Variants in HTR3D observed in about 807,000 individuals in gnomAD.
The protein encoded by HTR3D is 5-hydroxytryptamine (serotonin) receptor 3 family member D.
HTR3D carries 47 observed loss-of-function variants against 45.8 expected under a neutral mutation model. The ratio of observed to expected loss-of-function variants is 1.03; its 90% confidence interval spans 0.81 to 1.31. The LOEUF (loss-of-function observed/expected upper bound fraction) is 1.31, where lower values mean the gene tolerates loss of function less well. HTR3D is among the 50% of genes most tolerant of loss of function. The pLI is 0.00. For missense variants in HTR3D, 448 were observed against 506.9 expected (o/e 0.88, Z 1.12); for synonymous variants, 203 against 199.8 (o/e 1.02, Z -0.13).
chr3:184,034,539 C>T (rs547418189), intron 1 of HTR3D, among the ~76,000 whole-genome samples: 4 of 151,432 alleles, frequency 2.6e-5, no homozygotes, highest in African/African-American at 7.3e-5. Context: ...TTTAACGCCA[C>T]GGAACTGTAC....
rs6443930 is a variant in HTR3D at position 184,036,506 on chromosome 3, G to C, written c.329G>C (p.Gly110Ala). 0.45 allele frequency: 731,074 copies of C among 1,613,688 alleles called. 169,278 individuals are homozygous for C. Among genetic ancestry groups the C allele is most frequent in the African/African-American group, 0.67 (50,309 of 74,992 alleles). Residue 110 changes from glycine to alanine, a missense_variant, in exon 4 of 8, where the codon GGT (glycine) becomes GCT (alanine). Coordinates refer to ENST00000428798, the MANE Select transcript of HTR3D (RefSeq NM_001145143.1). The stretch of plus-strand genomic sequence containing the variant: ...TCTATTTCCCCTTCCATGGACAGAG[G>C]TGAACGCTCTCCTTCAGCCCTTTCA... The part of the protein sequence containing the change: ...TPSISPSMDR[G>A]ERSPSALSPT...
In HTR3D at chr3:184,038,851, A is replaced by G. The variant is rs1465087875; in HGVS notation, c.1091A>G (p.Gln364Arg). The change falls in exon 8 of 8, where the codon CAG (glutamine) becomes CGG (arginine). Residue 364 changes from glutamine (Q) to arginine (R), a missense_variant. Gln to Arg is a conservative substitution (Grantham distance 43). Coordinates refer to ENST00000428798, the MANE Select transcript of HTR3D (RefSeq NM_001145143.1). This position sits in a 1 kb window ranked among gnomAD's most constrained non-coding sequence, Gnocchi z 4.5. ...WTRAQREHEA[Q>R]KQHSVELWVQ... ...AGGGCCCAGCGGGAACACGAGGCCC[A>G]GAAGCAGCACTCGGTGGAGCTGTGG... 6.2e-7 allele frequency: 1 copy of G among 1,614,194 alleles called. No individual in the cohort carries two copies. Among genetic ancestry groups the G allele is most frequent in the East Asian group, 2.2e-5 (1 of 44,868 alleles).
chr3:184,037,696 G>T (rs1346108356), intron 5 of HTR3D, among the ~76,000 whole-genome samples: 1 of 152,148 alleles, frequency 6.6e-6, no homozygotes, highest in East Asian at 1.9e-4. Context: ...AAAGCAATTA[G>T]AAATGAAAAG....
chr3:184,038,405 G>A lies in HTR3D; in HGVS notation c.770-4G>A, dbSNP rs756448396. 6.2e-7 allele frequency: 1 copy of A among 1,614,182 alleles called. No homozygotes were observed. The highest frequency in any genetic ancestry group is 1.3e-5 in the African/African-American group (1 of 75,050). ...GGCCCTCATGCAGACCCCCTTGCCT[G>A]CAGGTGTCTACTTCGCCCTGTGCCT... On this transcript the variant is annotated splice_region_variant and splice_polypyrimidine_tract_variant and intron_variant, in intron 6 of 7. Coordinates refer to ENST00000428798, the MANE Select transcript of HTR3D (RefSeq NM_001145143.1). The surrounding 1 kb of genome is among the most constrained non-coding windows in gnomAD (Gnocchi z 4.5).
chr3:184,031,587 G>A, upstream of HTR3D: 1 of 606,284 alleles, frequency 1.6e-6, no homozygotes, highest in Non-Finnish European at 3.0e-6. Flanking sequence ...TTATTCCTCT[G>A]TGACATTCTT....
chr3:184,034,947 G>A (rs1004930916), intron 1 of HTR3D: 2 of 962,904 alleles, frequency 2.1e-6, no homozygotes, highest in Non-Finnish European at 2.9e-6. Context: ...GGTAAAATCT[G>A]TTCTTTTTGG....
In HTR3D at chr3:184,038,247, C is replaced by T. The variant is rs375382788; in HGVS notation, c.743C>T (p.Pro248Leu). The T allele has an allele frequency of 6.2e-7, 1 of 1,614,078 alleles. No individual in the cohort carries two copies. Among genetic ancestry groups the T allele is most frequent in the African/African-American group, 1.3e-5 (1 of 74,934 alleles). The change falls in exon 6 of 8, where the codon CCT becomes CTT. Residue 248 changes from proline (P) to leucine (L), a missense_variant. Coordinates refer to ENST00000428798, the MANE Select transcript of HTR3D (RefSeq NM_001145143.1). The surrounding 1 kb of genome is among the most constrained non-coding windows in gnomAD (Gnocchi z 4.5). ...STSSHASLVR[P>L]HPSRDQKRGV... Reference sequence around the variant, plus strand: ...TCATCACATGCTTCACTAGTACGTCCTCATCCATCAAGAGACCAAAAGCGA... The same window carrying T: ...TCATCACATGCTTCACTAGTACGTCTTCATCCATCAAGAGACCAAAAGCGA...
rs758348535 is a variant in HTR3D, at chr3:184,038,876, G to C, written c.1116G>C (p.Trp372Cys). Residue 372 changes from tryptophan (W) to cysteine (C), a missense_variant, in exon 8 of 8, where the codon TGG becomes TGC. Transcript: ENST00000428798. This position sits in a 1 kb window ranked among gnomAD's most constrained non-coding sequence, Gnocchi z 4.5. ...EAQKQHSVEL[W>C]VQFSHAMDAL... The stretch of plus-strand genomic sequence containing the variant: ...AGAAGCAGCACTCGGTGGAGCTGTG[G>C]GTGCAGTTCAGCCACGCGATGGACG... 1 of 1,614,116 alleles carries C rather than the reference G, an allele frequency of 6.2e-7. No individual in the cohort carries two copies. Among genetic ancestry groups the C allele is most frequent in the South Asian group, 1.1e-5 (1 of 91,080 alleles).
chr3:184,032,859 C>A lies in HTR3D; in HGVS notation c.66+1052C>A, dbSNP rs970823445. The A allele has an allele frequency of 5.8e-6, 9 of 1,551,884 alleles. No individual in the cohort carries two copies. The Admixed American group carries it at 1.8e-4, about 30-fold the overall frequency. ...CAGAAACACTCTCCAGGCCCCCCAG[C>A]CCTGGCCCTCCTCTCTCAGTCTCTG... On this transcript the variant is annotated intron_variant, in intron 1 of 7. Transcript: ENST00000428798.
At chr3:184,035,962 G>A in intron 2 of HTR3D, 53 bp from the exon 3 acceptor site, 1 of 1,538,416 alleles carries the variant, frequency 6.5e-7, no homozygotes, top group Non-Finnish European at 8.8e-7. Context: ...CAAAGTGCTG[G>A]GATTACAGAC....
intron 1 of HTR3D, among the ~76,000 whole-genome samples, chr3:184,033,767 A>G (rs1225899108): frequency 6.6e-6 from 1 of 152,060 alleles, no homozygotes; most frequent in Non-Finnish European, 1.5e-5. Flanking sequence ...AAATACAAAA[A>G]TTAGCTGGGC....
intron 5 of HTR3D, among the ~76,000 whole-genome samples, chr3:184,037,485 A>G (rs998222068): frequency 2.6e-5 from 4 of 152,182 alleles, no homozygotes; most frequent in African/African-American, 4.8e-5. Context: ...GCCTTCCCCA[A>G]TGGCTGTCAG....
At position 184,039,079 on chromosome 3, in the gene HTR3D, T is replaced by C; in HGVS notation, c.*104T>C. The C allele has an allele frequency of 9.0e-7, 1 of 1,117,270 alleles. No individual in the cohort carries two copies. The highest frequency in any genetic ancestry group is 1.3e-6 in the Non-Finnish European group (1 of 768,028). The allele number at this position is 1,117,270 out of a possible 1,614,324, so 69.2% of individuals were successfully genotyped here. A position where few individuals can be genotyped will look rare whatever the true frequency, so the allele number is the denominator to read the frequency against. Reference sequence around the variant, plus strand: ...CCTTGTGGCCCTGTCAACCGCCTCATTTTTAACCCAGTCCTCTGTGTAGTT... The same window carrying C: ...CCTTGTGGCCCTGTCAACCGCCTCACTTTTAACCCAGTCCTCTGTGTAGTT... On this transcript the variant is annotated 3_prime_UTR_variant, in exon 8 of 8. Transcript: ENST00000428798.
intron 4 of HTR3D, 50 bp downstream of exon 4, chr3:184,036,594 T>A (rs1722904317): frequency 6.2e-7 from 1 of 1,608,236 alleles, no homozygotes; most frequent in Non-Finnish European, 8.5e-7. Context: ...GGGCTTTGAG[T>A]GAGAAGAGGA....
chr3:184,037,102 T>G (rs1031679272), intron 5 of HTR3D, among the ~76,000 whole-genome samples: 8 of 151,614 alleles, frequency 5.3e-5, no homozygotes, highest in African/African-American at 1.9e-4. Flanking sequence ...TGCAATGACG[T>G]GATCTCAGCT....
intron 2 of HTR3D, 92 bp from the exon 3 acceptor site, chr3:184,035,923 C>G: frequency 7.7e-7 from 1 of 1,306,360 alleles, no homozygotes; most frequent in South Asian, 1.4e-5. Flanking sequence ...GAACTCCTGA[C>G]CTTCAGTGAT....
intron 4 of HTR3D, 71 bp downstream of exon 4, chr3:184,036,615 G>C (rs1319037340): frequency 3.1e-6 from 5 of 1,598,550 alleles, no homozygotes; most frequent in Admixed American, 1.7e-5. Context: ...CAGAAAGCTG[G>C]GAACAGTGAG....
rs1722916823 is a variant in HTR3D at position 184,036,904 on chromosome 3, C to T, written c.516+8C>T. ...GAACAAGCCATCTTCCATGTGAGCTCAGGGGCCAAGACAAGGTTTCACCAT... is the reference window on the plus strand; with the variant it reads ...GAACAAGCCATCTTCCATGTGAGCTTAGGGGCCAAGACAAGGTTTCACCAT... On this transcript the variant is annotated splice_region_variant and intron_variant, in intron 5 of 7. Transcript: ENST00000428798. The T allele has an allele frequency of 1.3e-6, 2 of 1,550,898 alleles. No homozygotes were observed. Among genetic ancestry groups the T allele is most frequent in the African/African-American group, 1.4e-5 (1 of 73,142 alleles).
At chr3:184,034,892 G>A (rs1263171256) in intron 1 of HTR3D, among the ~76,000 whole-genome samples, 1 of 152,166 alleles carries the variant, frequency 6.6e-6, no homozygotes, top group African/African-American at 2.4e-5. Flanking sequence ...GCGGGGGTGA[G>A]GAGTAGAAAG....
Sources: allele counts gnomAD v4.1 joint callset (sites outside exome capture counted in the v4.1 genomes callset), GRCh38; gene constraint gnomAD v4.1.1; non-coding constraint Gnocchi (gnomAD v3.1); transcripts MANE v1.5; gene names NCBI Gene and HGNC (gene_info 2026-07-23, HGNC 2026-07-21).